MATR3: variants seen among roughly 807,000 people sequenced by gnomAD.
The protein encoded by MATR3 is matrin-3.
In MATR3, 4 loss-of-function variants were observed where a neutral mutation model predicts 85.5. That is an observed-to-expected ratio of 0.05 (90% CI 0.02 to 0.11). The LOEUF (loss-of-function observed/expected upper bound fraction) is 0.11. MATR3 is among the 10% of genes least tolerant of loss of function. The pLI, the probability that MATR3 is intolerant of heterozygous loss-of-function variation, is 1.00. For missense variants in MATR3, 685 were observed against 1,016.1 expected (o/e 0.67, Z 4.43); for synonymous variants, 336 against 343.1 (o/e 0.98, Z 0.23).
Position 139,326,026 on chromosome 5 carries a change from T to C in MATR3, c.2372-137T>C, listed in dbSNP as rs1219243155. The C allele has an allele frequency of 3.8e-6, 3 of 781,066 alleles. No individual in the cohort carries two copies. The African/African-American group carries it at 5.3e-5, about 14-fold the overall frequency. The allele number at this position is 781,066 out of a possible 1,614,324, so 48.4% of individuals were successfully genotyped here. ...TAGGTAAAAGCAAAATATGGTTCGG[T>C]TTTTGTTTTTTATCTTAGGCTGTAT... On this transcript the variant is annotated intron_variant, in intron 13 of 14. Transcript: ENST00000394805.
At chr5:139,296,515 A>G (rs1754161346) in intron 1 of MATR3, among the ~76,000 whole-genome samples, 1 of 152,202 alleles carries the variant, frequency 6.6e-6, no homozygotes, top group African/African-American at 2.4e-5. Context: ...TGAAAAACAT[A>G]TTTTGTAAAT....
Position 139,330,132 on chromosome 5 carries a change from T to C in MATR3, c.*737T>C, listed in dbSNP as rs1006453599. ...TGTCACTTGAATCCCGTGATTGTCA[T>C]ACATCTCTGGTATAAGCAACATTTG... On this transcript the variant is annotated 3_prime_UTR_variant, in exon 15 of 15. Coordinates refer to ENST00000394805, the MANE Select transcript of MATR3 (RefSeq NM_018834.6). 6.6e-6 allele frequency: 3 copies of C among 454,430 alleles called. No individual in the cohort carries two copies. The highest frequency in any genetic ancestry group is 6.9e-5 in the East Asian group (1 of 14,406). The allele number at this position is 454,430 out of a possible 1,614,324, so 28.1% of individuals were successfully genotyped here. A position where few individuals can be genotyped will look rare whatever the true frequency, so the allele number is the denominator to read the frequency against.
chr5:139,290,680 G>T (rs531268814), upstream of MATR3, among the ~76,000 whole-genome samples: 277 of 151,674 alleles, frequency 1.8e-3, 1 homozygote, highest in African/African-American at 6.4e-3. Context: ...GAACTTTCTG[G>T]CCTCAAGCGA....
At chr5:139,321,240 C>T (rs995567309) in intron 9 of MATR3, among the ~76,000 whole-genome samples, 1 of 152,048 alleles carries the variant, frequency 6.6e-6, no homozygotes, top group Non-Finnish European at 1.5e-5. Context: ...AACTCCGCCT[C>T]CTGGGTTCAA....
At chr5:139,279,259 T>A in intron 3 of MATR3, 1 of 431,264 alleles carries the variant, frequency 2.3e-6, no homozygotes, top group Non-Finnish European at 4.7e-6. Context: ...GACGGAGTCT[T>A]GCTCAGTTGC....
At chr5:139,284,602 T>G (rs1478083558) in intron 3 of MATR3, among the ~76,000 whole-genome samples, 1 of 149,214 alleles carries the variant, frequency 6.7e-6, no homozygotes, top group Non-Finnish European at 1.5e-5. Flanking sequence ...ACTGAGACAG[T>G]CTCAAAAAAA....
rs376433544 is a variant in MATR3, at chr5:139,326,717, G to A, written c.2493+433G>A. On this transcript the variant is annotated intron_variant, in intron 14 of 14. Coordinates refer to ENST00000394805, the MANE Select transcript of MATR3 (RefSeq NM_018834.6). ...TGGGATTACAGGCATGAGCCACCGC[G>A]CCTGGCCTTTTCTTTCTTTATTGAT... 3.0e-4 allele frequency among the ~76,000 whole-genome samples: 46 copies of A among 152,222 alleles called. 1 individual carries two copies. The East Asian group carries it at 7.9e-3, about 26-fold the overall frequency.
chr5:139,316,469 C>T (rs1210893742), intron 5 of MATR3, among the ~76,000 whole-genome samples: 1 of 151,998 alleles, frequency 6.6e-6, no homozygotes, highest in Non-Finnish European at 1.5e-5. Context: ...TAGTCTCGAA[C>T]TCTTGGCCTC....
chr5:139,307,169 G>GTTT lies in MATR3; in HGVS notation c.-177-63_-177-61dup. ...TTTTTTAAATCAACATGATGCATAA[G>GTTT]TTTTTTTTTCTTAAAAAAACGGCAT... is the stretch of plus-strand genomic sequence containing the variant. On this transcript the variant is annotated intron_variant, in intron 1 of 14. Transcript: ENST00000394805. The surrounding 1 kb of genome is among the most constrained non-coding windows in gnomAD (Gnocchi z 4.4). 1 of 1,065,844 alleles carries GTTT rather than the reference G, an allele frequency of 9.4e-7. No homozygotes were observed. The allele number at this position is 1,065,844 out of a possible 1,614,324, so 66.0% of individuals were successfully genotyped here. A position where few individuals can be genotyped will look rare whatever the true frequency, so the allele number is the denominator to read the frequency against.
chr5:139,280,682 G>A (rs1051671723), intron 3 of MATR3: 1 of 152,162 alleles, frequency 6.6e-6, no homozygotes, highest in African/African-American at 2.4e-5. Context: ...AACCGAAATG[G>A]CTCCTAAGGA....
intron 7 of MATR3, among the ~76,000 whole-genome samples, chr5:139,318,129 G>T (rs554158273): frequency 9.2e-5 from 14 of 152,156 alleles, no homozygotes; most frequent in South Asian, 2.1e-4. Context: ...GTTTTTTGGG[G>T]TTTTTTTGTT....
exon 3 of MATR3, chr5:139,279,099 G>C (rs1371579084): frequency 2.2e-6 from 1 of 455,964 alleles, no homozygotes; most frequent in Non-Finnish European, 4.4e-6. Context: ...CCAGATGTCT[G>C]ACAGCCCTGT....
At chr5:139,311,400 ACT>A (rs1448086302) in intron 2 of MATR3, 1 of 151,898 alleles carries the variant, frequency 6.6e-6, no homozygotes, top group Non-Finnish European at 1.5e-5. Context: ...TTTTTATAAA[ACT>A]CTTTCACTTA....
At chr5:139,313,652 A>G (rs764744334) in intron 2 of MATR3, 9 of 152,226 alleles carry the variant, frequency 5.9e-5, no homozygotes, top group Non-Finnish European at 1.0e-4. Flanking sequence ...AAGAGTAAAT[A>G]GTGAAAGAAT....
At chr5:139,294,045 G>A (rs912599441) in intron 1 of MATR3, 24 of 1,245,178 alleles carry the variant, frequency 1.9e-5, no homozygotes, top group African/African-American at 1.7e-4. Flanking sequence ...GGTCCGGGAG[G>A]GAAACACGCG....
At chr5:139,291,759 G>A (rs1318980527), upstream of MATR3, among the ~76,000 whole-genome samples, 2 of 151,892 alleles carry the variant, frequency 1.3e-5, no homozygotes, top group South Asian at 2.1e-4. Flanking sequence ...GGCTAGTCTC[G>A]AACTCCCGAC....
chr5:139,317,985 C>T (rs897203443), intron 7 of MATR3, among the ~76,000 whole-genome samples: 1 of 152,096 alleles, frequency 6.6e-6, no homozygotes, highest in Non-Finnish European at 1.5e-5. Context: ...TGTGGAAAGC[C>T]ATTTCAGATC....
chr5:139,324,121 G>A (rs767227008), intron 12 of MATR3, among the ~76,000 whole-genome samples: 189 of 152,036 alleles, frequency 1.2e-3, no homozygotes, highest in Non-Finnish European at 2.0e-3. Flanking sequence ...GTTTTTCTAA[G>A]TTTAAATTTA....
intron 3 of MATR3, chr5:139,279,528 C>T (rs558383512): frequency 1.2e-4 from 21 of 177,016 alleles, no homozygotes; most frequent in South Asian, 9.4e-4. Context: ...TTTTTTGAGA[C>T]GGAGTCTCAC....
Sources: gnomAD v4.1 joint callset for allele counts (sites outside exome capture counted in the v4.1 genomes callset) on GRCh38, gnomAD v4.1.1 for gene constraint, Gnocchi (gnomAD v3.1) non-coding constraint, MANE v1.5 for transcripts, NCBI Gene and HGNC (gene_info 2026-07-23, HGNC 2026-07-21) for gene names.